Variants in NCOA7 observed in about 807,000 individuals in gnomAD.
The protein encoded by NCOA7 is nuclear receptor coactivator 7.
In NCOA7, 45 loss-of-function variants were observed where a neutral mutation model predicts 104.3. That is an observed-to-expected ratio of 0.43 (90% CI 0.34 to 0.55). The LOEUF is 0.55. Among genes scored for constraint, NCOA7 ranks in the 20% least tolerant of loss-of-function variants. The pLI, the probability that NCOA7 is intolerant of heterozygous loss-of-function variation, is 0.02. For missense variants in NCOA7, 1,041 were observed against 1,119.7 expected (o/e 0.93, Z 1.00); for synonymous variants, 398 against 402.3 (o/e 0.99, Z 0.13).
chr6:125,851,679 G>A (rs72969759), intron 2 of NCOA7, among the ~76,000 whole-genome samples: 1 of 152,000 alleles, frequency 6.6e-6, no homozygotes, highest in African/African-American at 2.4e-5. Flanking sequence ...TTGCCATACT[G>A]CAAATGTTGT....
chr6:125,848,801 AAAAT>A (rs920279271), intron 2 of NCOA7, among the ~76,000 whole-genome samples: 2 of 152,200 alleles, frequency 1.3e-5, no homozygotes, highest in African/African-American at 2.4e-5. Flanking sequence ...AGTATAATAA[AAAAT>A]AAATAAATAA....
intron 11 of NCOA7, among the ~76,000 whole-genome samples, chr6:125,920,382 TAGA>T (rs1236191385): frequency 6.6e-6 from 1 of 152,222 alleles, no homozygotes; most frequent in Admixed American, 6.5e-5. Context: ...TCCCTATTTA[TAGA>T]AGACTTACCT....
At chr6:125,848,171 G>A (rs569999663) in intron 2 of NCOA7, among the ~76,000 whole-genome samples, 2 of 152,308 alleles carry the variant, frequency 1.3e-5, no homozygotes, top group East Asian at 3.9e-4. Flanking sequence ...AGAGGATGTG[G>A]AGAAATAGGA....
chr6:125,880,434 G>T (rs1016435247), intron 5 of NCOA7, among the ~76,000 whole-genome samples: 1 of 151,954 alleles, frequency 6.6e-6, no homozygotes, highest in Non-Finnish European at 1.5e-5. Flanking sequence ...CAAGGCTTCA[G>T]TTGGACCCAC....
chr6:125,891,568 ACAT>A (rs1206665515), intron 10 of NCOA7, among the ~76,000 whole-genome samples: 1 of 152,190 alleles, frequency 6.6e-6, no homozygotes, highest in African/African-American at 2.4e-5. Flanking sequence ...CCCCTTAAAA[ACAT>A]CATCATCTAG....
intron 11 of NCOA7, among the ~76,000 whole-genome samples, chr6:125,917,538 G>A (rs1396100725): frequency 1.3e-5 from 2 of 152,180 alleles, no homozygotes; most frequent in East Asian, 3.9e-4. Context: ...TTGAGTGTCT[G>A]CTGTAGATTT....
At chr6:125,867,147 T>C (rs1782503537) in intron 3 of NCOA7, among the ~76,000 whole-genome samples, 1 of 152,240 alleles carries the variant, frequency 6.6e-6, no homozygotes, top group African/African-American at 2.4e-5. Flanking sequence ...ACCTGGGACT[T>C]TTCCAATTAC....
chr6:125,877,203 C>A (rs1173601440), intron 4 of NCOA7, among the ~76,000 whole-genome samples: 3 of 152,050 alleles, frequency 2.0e-5, no homozygotes, highest in East Asian at 1.9e-4. Flanking sequence ...GTAACCGTAA[C>A]CTTTGATTAG....
At chr6:125,916,283 T>C (rs1421191748) in intron 11 of NCOA7, among the ~76,000 whole-genome samples, 1 of 152,166 alleles carries the variant, frequency 6.6e-6, no homozygotes, top group African/African-American at 2.4e-5. Context: ...TCCCAAGGCC[T>C]CCCCAGCTAT....
At position 125,895,707 on chromosome 6, in the gene NCOA7, GACAGT is replaced by G. The variant is rs1426168218; in HGVS notation, c.2096+4898_2096+4902del. Among the ~76,000 whole-genome samples the G allele has an allele frequency of 2.6e-5, 4 of 152,132 alleles. No individual in the cohort carries two copies. The East Asian group carries it at 5.8e-4, about 22-fold the overall frequency. ...TTACAACACCAAGGCAGAAGACAAAGACAGTGCAGGCTTCTCACATGGCAGGAGTG... is the reference window on the plus strand; with the variant it reads ...TTACAACACCAAGGCAGAAGACAAAGGCAGGCTTCTCACATGGCAGGAGTG... On this transcript the variant is annotated intron_variant, in intron 10 of 15. Coordinates refer to ENST00000392477, the MANE Select transcript of NCOA7 (RefSeq NM_181782.5).
chr6:125,817,642 C>T (rs1006481092), intron 2 of NCOA7, among the ~76,000 whole-genome samples: 3 of 152,140 alleles, frequency 2.0e-5, no homozygotes, highest in Non-Finnish European at 4.4e-5. Context: ...TTGAATTGTA[C>T]ACATTCTAGT....
intron 3 of NCOA7, among the ~76,000 whole-genome samples, chr6:125,857,251 G>C (rs1266195365): frequency 6.6e-6 from 1 of 151,998 alleles, no homozygotes; most frequent in Non-Finnish European, 1.5e-5. Flanking sequence ...TCTTTCGTTT[G>C]TTTTGAGATT....
At chr6:125,839,277 CTGGATAATTTTTGTAT>C (rs948366052) in intron 2 of NCOA7, among the ~76,000 whole-genome samples, 4 of 152,100 alleles carry the variant, frequency 2.6e-5, no homozygotes, top group Non-Finnish European at 4.4e-5. Flanking sequence ...GCCACCACGC[CTGGATAATTTTTGTAT>C]TTTTAGTAGA....
rs369077939 is a variant in NCOA7, at chr6:125,878,244, A to G, written c.352-19A>G. 2.5e-6 allele frequency: 4 copies of G among 1,570,176 alleles called. No homozygotes were observed. The African/African-American group carries it at 5.5e-5, about 21-fold the overall frequency. On this transcript the variant is annotated intron_variant, in intron 4 of 15. Transcript: ENST00000392477. ...TTTTTTGCTTTATTTATTGACTCTTACCTGTTTGATTATTCTAGGCTGGAA... is the reference window on the plus strand; with the variant it reads ...TTTTTTGCTTTATTTATTGACTCTTGCCTGTTTGATTATTCTAGGCTGGAA...
intron 2 of NCOA7, among the ~76,000 whole-genome samples, chr6:125,851,679 G>T (rs72969759): frequency 0.076 from 11,632 of 152,098 alleles, 496 homozygotes; most frequent in Non-Finnish European, 0.095. Flanking sequence ...TTGCCATACT[G>T]CAAATGTTGT....
At chr6:125,802,590 A>T (rs1438012523) in intron 1 of NCOA7, 2 of 152,204 alleles carry the variant, frequency 1.3e-5, no homozygotes, top group Non-Finnish European at 2.9e-5. Flanking sequence ...GAAAAATCAG[A>T]TGGGGTCATA....
intron 11 of NCOA7, among the ~76,000 whole-genome samples, chr6:125,916,204 G>A (rs1787063302): frequency 1.3e-5 from 2 of 152,146 alleles, no homozygotes; most frequent in Admixed American, 6.5e-5. Flanking sequence ...CGCTACGCTC[G>A]CTCGCTCTCC....
rs1361060849 is a variant in NCOA7, at chr6:125,830,731, A to ATGTGTG, written c.50+15328_50+15329insGTGTGT. ...CTCTCTCTATATATTTTATATATAT[A>ATGTGTG]TATATATGTGTGTGTGTGTGTGTGT... On this transcript the variant is annotated intron_variant, in intron 2 of 15. Coordinates refer to ENST00000392477, the MANE Select transcript of NCOA7 (RefSeq NM_181782.5). 3.3e-4 allele frequency among the ~76,000 whole-genome samples: 38 copies of ATGTGTG among 116,844 alleles called. No homozygotes were observed. In the East Asian group the frequency reaches 0.01, roughly 31 times the overall value. The allele number at this position is 116,844 out of a possible 152,430, so 76.7% of individuals were successfully genotyped here.
chr6:125,878,081 T>A (rs561777788), intron 4 of NCOA7, among the ~76,000 whole-genome samples, 182 bp from the exon 5 acceptor site: 1 of 152,350 alleles, frequency 6.6e-6, no homozygotes, highest in Admixed American at 6.5e-5. Flanking sequence ...ATGAATTGCA[T>A]TTAAGACTTT....
Sources: allele counts gnomAD v4.1 joint callset (sites outside exome capture counted in the v4.1 genomes callset), GRCh38; gene constraint gnomAD v4.1.1; transcripts MANE v1.5; gene names NCBI Gene and HGNC (gene_info 2026-07-23, HGNC 2026-07-21).